ABLIM2: variants seen among roughly 807,000 people sequenced by gnomAD.
The protein encoded by ABLIM2 is actin binding LIM protein family member 2.
In ABLIM2, 53 loss-of-function variants were observed where a neutral mutation model predicts 97.7. The ratio of observed to expected loss-of-function variants is 0.54; its 90% confidence interval spans 0.44 to 0.68. The LOEUF is 0.68. ABLIM2 is among the 30% of genes least tolerant of loss of function. The pLI is 0.00. For synonymous variants in ABLIM2, 361 were observed against 345.8 expected, an observed-to-expected ratio of 1.04 and a Z score of -0.49; for missense variants, 835 against 867.2, an observed-to-expected ratio of 0.96 and a Z score of 0.47.
chr4:8,143,602 C>T (rs1851354334), intron 1 of ABLIM2, among the ~76,000 whole-genome samples: 1 of 152,154 alleles, frequency 6.6e-6, no homozygotes, highest in South Asian at 2.1e-4. Flanking sequence ...GGAAGCCTGC[C>T]AGGATTTCTC....
At position 8,149,630 on chromosome 4, in the gene ABLIM2, G is replaced by A. The variant is rs1194377337; in HGVS notation, c.10+9050C>T. 2.0e-5 allele frequency among the ~76,000 whole-genome samples: 3 copies of A among 151,968 alleles called. No individual in the cohort carries two copies. Among genetic ancestry groups the A allele is most frequent in the Non-Finnish European group, 4.4e-5 (3 of 67,988 alleles). Reference sequence around the variant, plus strand: ...AGCGGGGGCAGGCAGAAGGCGGCAGGAAGAATGCAAGGCTGTTGGGGGATC... The same window carrying A: ...AGCGGGGGCAGGCAGAAGGCGGCAGAAAGAATGCAAGGCTGTTGGGGGATC... On this transcript the variant is annotated intron_variant, in intron 1 of 20. Transcript: ENST00000447017. The surrounding 1 kb of genome is among the most constrained non-coding windows in gnomAD (Gnocchi z 6.4).
intron 17 of ABLIM2, among the ~76,000 whole-genome samples, chr4:7,988,130 C>A (rs1745870950): frequency 1.3e-5 from 2 of 152,172 alleles, no homozygotes; most frequent in Admixed American, 1.3e-4. Context: ...TCAAGCAATT[C>A]TCCTGCCTCA....
rs1320040026 is a variant in ABLIM2 at position 8,082,436 on chromosome 4, C to T, written c.455-1634G>A. The stretch of plus-strand genomic sequence containing the variant: ...CGCATCCCGGGTGAACAGTGAGCAT[C>T]GGCGAGACCCCCTGTGGGCCTGCTG... On this transcript the variant is annotated intron_variant, in intron 4 of 20. Coordinates refer to ENST00000447017, the MANE Select transcript of ABLIM2 (RefSeq NM_001130083.2). This position sits in a 1 kb window ranked among gnomAD's most constrained non-coding sequence, Gnocchi z 5.6. 6.6e-6 allele frequency among the ~76,000 whole-genome samples: 1 copy of T among 152,230 alleles called. No individual in the cohort carries two copies. The highest frequency in any genetic ancestry group is 1.5e-5 in the Non-Finnish European group (1 of 68,046).
chr4:8,154,963 C>G (rs1043152244), intron 1 of ABLIM2, among the ~76,000 whole-genome samples: 5 of 152,202 alleles, frequency 3.3e-5, no homozygotes, highest in African/African-American at 1.2e-4. Context: ...GGGGAACTGC[C>G]CTTTATAAAA....
At chr4:8,088,865 A>T (rs760050101) in intron 3 of ABLIM2, among the ~76,000 whole-genome samples, 3 of 152,206 alleles carry the variant, frequency 2.0e-5, no homozygotes, top group Non-Finnish European at 2.9e-5. Flanking sequence ...ACACATGGAT[A>T]CGAGTCAGAA....
Position 8,125,614 on chromosome 4 carries a change from G to A in ABLIM2, c.11-18977C>T, listed in dbSNP as rs1847526469. ...GCCTCGGTGCCGGGGCTGCTTCTGG[G>A]ATGGTCGTGGTTGGCTCTGCCATCA... On this transcript the variant is annotated intron_variant, in intron 1 of 20. Coordinates refer to ENST00000447017, the MANE Select transcript of ABLIM2 (RefSeq NM_001130083.2). The surrounding 1 kb of genome is among the most constrained non-coding windows in gnomAD (Gnocchi z 6.2). 6.6e-6 allele frequency among the ~76,000 whole-genome samples: 1 copy of A among 152,156 alleles called. No homozygotes were observed. Among genetic ancestry groups the A allele is most frequent in the African/African-American group, 2.4e-5 (1 of 41,452 alleles).
intron 10 of ABLIM2, among the ~76,000 whole-genome samples, chr4:8,035,051 TAGGTAGGTGGGTGCAGGTGAGTGGGTGGC>T (rs200531301): frequency 0.3 from 41,337 of 136,980 alleles, 6,041 homozygotes; most frequent in Middle Eastern, 0.39. Context: ...TGATGGGTGG[TAGGTAGGTGGGTGCAGGTGAGTGGGTGGC>T]AGGTAGGTGG....
At chr4:8,025,794 A>G (rs1186981179) in intron 12 of ABLIM2, among the ~76,000 whole-genome samples, 1 of 152,138 alleles carries the variant, frequency 6.6e-6, no homozygotes, top group Non-Finnish European at 1.5e-5. Context: ...GGAGGGCTGA[A>G]GGTGGGAGGA....
intron 1 of ABLIM2, among the ~76,000 whole-genome samples, chr4:8,135,000 G>C (rs1849978541): frequency 6.6e-6 from 1 of 152,236 alleles, no homozygotes; most frequent in African/African-American, 2.4e-5. Context: ...CAGTGGCAAG[G>C]ACCCAGCGTC....
intron 1 of ABLIM2, among the ~76,000 whole-genome samples, chr4:8,115,633 T>A (rs1842467292): frequency 6.6e-6 from 1 of 152,198 alleles, no homozygotes; most frequent in African/African-American, 2.4e-5. Flanking sequence ...CCACGGGCTG[T>A]CTGAGCAAAG....
chr4:8,131,640 C>A (rs1414356708), intron 1 of ABLIM2, among the ~76,000 whole-genome samples: 2 of 148,958 alleles, frequency 1.3e-5, no homozygotes, highest in African/African-American at 5.1e-5. Flanking sequence ...CTGAGCACAG[C>A]AGCCCGCATC....
chr4:8,056,205 T>C (rs1475012385), intron 7 of ABLIM2, among the ~76,000 whole-genome samples: 1 of 151,208 alleles, frequency 6.6e-6, no homozygotes, highest in Non-Finnish European at 1.5e-5. Flanking sequence ...TAAAATCATT[T>C]CTAATCTCTC....
At chr4:8,055,048 G>T (rs1258923570) in intron 7 of ABLIM2, among the ~76,000 whole-genome samples, 9 of 144,666 alleles carry the variant, frequency 6.2e-5, no homozygotes, top group East Asian at 6.0e-4. Context: ...CTTTGTTTTT[G>T]TTTTTTTTTT....
In ABLIM2 at chr4:8,149,200, T is replaced by C. The variant is rs546624859; in HGVS notation, c.10+9480A>G. 7.2e-5 allele frequency among the ~76,000 whole-genome samples: 11 copies of C among 152,320 alleles called. No individual in the cohort carries two copies. Among genetic ancestry groups the C allele is most frequent in the African/African-American group, 2.4e-4 (10 of 41,574 alleles). Reference sequence around the variant, plus strand: ...CAGGCGTGGAGACTTCTCTCTCCTCTCTGCTGCCTCCTGCCTCCCGTTAGC... The same window carrying C: ...CAGGCGTGGAGACTTCTCTCTCCTCCCTGCTGCCTCCTGCCTCCCGTTAGC... On this transcript the variant is annotated intron_variant, in intron 1 of 20. Coordinates refer to ENST00000447017, the MANE Select transcript of ABLIM2 (RefSeq NM_001130083.2). This position sits in a 1 kb window ranked among gnomAD's most constrained non-coding sequence, Gnocchi z 6.4.
rs1781777570 is a variant in ABLIM2 at position 8,032,772 on chromosome 4, A to G, written c.1048-2996T>C. 1.5e-6 allele frequency: 2 copies of G among 1,296,328 alleles called. No individual in the cohort carries two copies. Among genetic ancestry groups the G allele is most frequent in the Non-Finnish European group, 2.2e-6 (2 of 896,578 alleles). 80.3% of individuals were successfully genotyped at this position (1,296,328 alleles called of 1,614,324 possible). On this transcript the variant is annotated intron_variant, in intron 10 of 20. Coordinates refer to ENST00000447017, the MANE Select transcript of ABLIM2 (RefSeq NM_001130083.2). This position sits in a 1 kb window ranked among gnomAD's most constrained non-coding sequence, Gnocchi z 4.3. ...CGTGACTGGCAGGCAACACAGGCGC[A>G]AACACCCACACAGAGCCCTGATCCT...
chr4:8,144,849 G>A (rs1851535402), intron 1 of ABLIM2, among the ~76,000 whole-genome samples: 1 of 152,220 alleles, frequency 6.6e-6, no homozygotes, highest in South Asian at 2.1e-4. Flanking sequence ...GCATAAAAAT[G>A]CACCATCCGC....
rs1281333217 is a variant in ABLIM2 at position 8,125,079 on chromosome 4, G to C, written c.11-18442C>G. 6.6e-6 allele frequency among the ~76,000 whole-genome samples: 1 copy of C among 152,164 alleles called. No homozygotes were observed. Among genetic ancestry groups the C allele is most frequent in the Non-Finnish European group, 1.5e-5 (1 of 68,032 alleles). ...TTTTTCAGCTTGGTTGTCTTGATAG[G>C]ATTGAGGGATGAGAGTTATTCGTAT... On this transcript the variant is annotated intron_variant, in intron 1 of 20. Coordinates refer to ENST00000447017, the MANE Select transcript of ABLIM2 (RefSeq NM_001130083.2). This position sits in a 1 kb window ranked among gnomAD's most constrained non-coding sequence, Gnocchi z 6.2.
chr4:8,082,096 C>G lies in ABLIM2; in HGVS notation c.455-1294G>C, dbSNP rs73075905. On this transcript the variant is annotated intron_variant, in intron 4 of 20. Transcript: ENST00000447017. This position sits in a 1 kb window ranked among gnomAD's most constrained non-coding sequence, Gnocchi z 5.6. ...CATGACAAGGGAAGGGCCTCGGACC[C>G]CGTAATGGACAGGGAGGAAGAGGGT... Among the ~76,000 whole-genome samples, 3,408 of 152,178 alleles carry G rather than the reference C, an allele frequency of 0.022. 130 individuals carry two copies. The highest frequency in any genetic ancestry group is 0.078 in the African/African-American group (3,252 of 41,502).
At chr4:8,000,709 G>C (rs74519376) in intron 16 of ABLIM2, among the ~76,000 whole-genome samples, 1 of 152,228 alleles carries the variant, frequency 6.6e-6, no homozygotes, top group East Asian at 1.9e-4. Flanking sequence ...AGCTGTCCCC[G>C]GAGGCTTTGG....
Sources: gnomAD v4.1 joint callset for allele counts (sites outside exome capture counted in the v4.1 genomes callset) on GRCh38, gnomAD v4.1.1 for gene constraint, Gnocchi (gnomAD v3.1) non-coding constraint, MANE v1.5 for transcripts, NCBI Gene and HGNC (gene_info 2026-07-23, HGNC 2026-07-21) for gene names.